Variants in POLA2 observed in about 807,000 individuals in gnomAD.
The protein encoded by POLA2 is DNA polymerase alpha subunit B.
In POLA2, 47 loss-of-function variants were observed where a neutral mutation model predicts 82.8. The observed-to-expected ratio is 0.57, with a 90% CI of 0.45 to 0.72. The LOEUF (loss-of-function observed/expected upper bound fraction) is 0.72. Ranked by LOEUF, POLA2 falls within the 30% of genes least tolerant of loss-of-function variation. The probability of loss-of-function intolerance (pLI) is 0.00; values close to 1 mark genes in which losing one functional copy is unlikely to be tolerated. For synonymous variants in POLA2, 287 were observed against 286.8 expected, an observed-to-expected ratio of 1.00 and a Z score of -0.01; for missense variants, 634 against 728.1, an observed-to-expected ratio of 0.87 and a Z score of 1.49.
rs1949405265 is a variant in POLA2, at chr11:65,262,223, C to A, written c.-70C>A. 3 of 1,239,204 alleles carry A rather than the reference C, an allele frequency of 2.4e-6. No individual in the cohort carries two copies. Among genetic ancestry groups the A allele is most frequent in the Non-Finnish European group, 3.5e-6 (3 of 858,234 alleles). The allele number at this position is 1,239,204 out of a possible 1,614,324, so 76.8% of individuals were successfully genotyped here. On this transcript the variant is annotated 5_prime_UTR_variant, in exon 1 of 18. Coordinates refer to ENST00000265465, the MANE Select transcript of POLA2 (RefSeq NM_002689.4). The stretch of plus-strand genomic sequence containing the variant: ...AGGGCGAGGAGCTCATCGCTCGCCA[C>A]CCCCGTGGGCTTCTTGGGCGCAGGT...
chr11:65,279,513 CT>C (rs35778465), intron 6 of POLA2, 24 bp from the exon 7 acceptor site: 1 of 1,490,774 alleles, frequency 6.7e-7, no homozygotes, highest in Non-Finnish European at 9.3e-7. Flanking sequence ...AAACATAATA[CT>C]TTTTTCCACT....
chr11:65,296,983 T>C (rs1344477262), intron 17 of POLA2, 137 bp from the exon 18 acceptor site: 1 of 756,858 alleles, frequency 1.3e-6, no homozygotes, highest in Admixed American at 2.4e-5. Context: ...TGAAAATGTG[T>C]CTGGTGATTT....
downstream of POLA2, among the ~76,000 whole-genome samples, chr11:65,302,846 G>A (rs114526886): frequency 0.01 from 1,562 of 151,940 alleles, 29 homozygotes; most frequent in African/African-American, 0.036. Context: ...TCTTGCATCC[G>A]CCTCCTGAGT....
chr11:65,262,319 G>A lies in POLA2; in HGVS notation c.27G>A (p.Ala9=), dbSNP rs747948290. The A allele has an allele frequency of 2.5e-6, 4 of 1,613,634 alleles. No homozygotes were observed. In the East Asian group the frequency reaches 8.9e-5, roughly 36 times the overall value. Residue 9 remains alanine (A), a synonymous_variant, in exon 1 of 18, where the codon GCG becomes GCA. Coordinates refer to ENST00000265465, the MANE Select transcript of POLA2 (RefSeq NM_002689.4). The part of the protein sequence containing the change: MSASAQQL[A]EELQIFGLDC... Reference sequence around the variant, plus strand: ...TGTCCGCATCCGCCCAGCAGCTGGCGGAGGAGCTGCAGATCTTCGGCCTAG... The same window carrying A: ...TGTCCGCATCCGCCCAGCAGCTGGCAGAGGAGCTGCAGATCTTCGGCCTAG...
intron 8 of POLA2, among the ~76,000 whole-genome samples, chr11:65,304,213 G>A (rs544535936): frequency 2.1e-5 from 3 of 144,704 alleles, no homozygotes; most frequent in Admixed American, 1.3e-4. Context: ...CCATCCATCC[G>A]TCCATCCATT....
chr11:65,272,097 G>T (rs145443067), intron 4 of POLA2, among the ~76,000 whole-genome samples: 1,873 of 152,194 alleles, frequency 0.012, 49 homozygotes, highest in African/African-American at 0.044. Context: ...ATCACTGGAG[G>T]TCAGGGGTTC....
At chr11:65,291,816 T>C (rs2137579532) in intron 13 of POLA2, among the ~76,000 whole-genome samples, 1 of 152,350 alleles carries the variant, frequency 6.6e-6, no homozygotes, top group Middle Eastern at 3.4e-3. Context: ...ATGGCCAGTG[T>C]GTGCCACAGG....
At chr11:65,278,646 C>T in intron 5 of POLA2, 84 bp from the exon 6 acceptor site, 2 of 1,148,284 alleles carry the variant, frequency 1.7e-6, no homozygotes, top group Non-Finnish European at 2.5e-6. Context: ...TCTCCAGTCC[C>T]CATTTCCAAA....
At chr11:65,290,868 T>C (rs1319922981) in intron 13 of POLA2, among the ~76,000 whole-genome samples, 1 of 152,222 alleles carries the variant, frequency 6.6e-6, no homozygotes, top group Non-Finnish European at 1.5e-5. Context: ...CCCAAGTTCC[T>C]CCCAAGTCAG....
chr11:65,288,878 T>C (rs1949725945), intron 11 of POLA2, among the ~76,000 whole-genome samples, 172 bp from the exon 12 acceptor site: 2 of 152,222 alleles, frequency 1.3e-5, no homozygotes, highest in African/African-American at 2.4e-5. Context: ...GCCTGTGAAA[T>C]TGGCTTGGCG....
Position 65,268,747 on chromosome 11 carries a change from G to C in POLA2, c.354+18G>C. The stretch of plus-strand genomic sequence containing the variant: ...CTTCAAAGGTAAGTAAACAGTGTTT[G>C]GACATTGCATTTTACAAGTAACATT... On this transcript the variant is annotated intron_variant, in intron 4 of 17. Transcript: ENST00000265465. 1 of 1,490,604 alleles carries C rather than the reference G, an allele frequency of 6.7e-7. No homozygotes were observed. Among genetic ancestry groups the C allele is most frequent in the South Asian group, 1.3e-5 (1 of 79,516 alleles). 92.3% of individuals were successfully genotyped at this position (1,490,604 alleles called of 1,614,324 possible).
In POLA2 at chr11:65,266,650, A is replaced by G. The variant is rs1949463753; in HGVS notation, c.148A>G (p.Thr50Ala). The change falls in exon 2 of 18, where the codon ACC (threonine) becomes GCC (alanine). Residue 50 changes from threonine (T) to alanine (A), a missense_variant. By Grantham distance (58) the Thr-to-Ala change is moderately conservative (BLOSUM62 0). Transcript: ENST00000265465. ...GMVGELIAFCTSTHKVGLTSE... is the reference protein window; with the variant it reads ...GMVGELIAFCASTHKVGLTSE... The stretch of plus-strand genomic sequence containing the variant: ...GGTAGGCGAGCTTATAGCCTTCTGC[A>G]CCAGCACACATAAAGTTGGCCTTAC... The G allele has an allele frequency of 6.2e-7, 1 of 1,614,184 alleles. No individual in the cohort carries two copies. The highest frequency in any genetic ancestry group is 8.5e-7 in the Non-Finnish European group (1 of 1,179,986).
In POLA2 at chr11:65,266,624, T is replaced by C; in HGVS notation, c.122T>C (p.Met41Thr). 1 of 1,614,104 alleles carries C rather than the reference T, an allele frequency of 6.2e-7. No homozygotes were observed. The highest frequency in any genetic ancestry group is 1.3e-5 in the African/African-American group (1 of 75,058). Residue 41 changes from methionine to threonine, a missense_variant, in exon 2 of 18, where the codon ATG becomes ACG. Physicochemically the swap from Met to Thr is moderately conservative, Grantham distance 81. Coordinates refer to ENST00000265465, the MANE Select transcript of POLA2 (RefSeq NM_002689.4). ...CAGTATGGACAGAATGAGGAGGGAA[T>C]GGTAGGCGAGCTTATAGCCTTCTGC... The part of the protein sequence containing the change: ...CVQYGQNEEG[M>T]VGELIAFCTS...
chr11:65,291,688 G>A (rs536062984), intron 13 of POLA2, among the ~76,000 whole-genome samples: 4 of 152,298 alleles, frequency 2.6e-5, no homozygotes, highest in South Asian at 2.1e-4. Context: ...GTTTGAGGTC[G>A]GGTTCTGTTT....
downstream of POLA2, among the ~76,000 whole-genome samples, chr11:65,299,918 C>T (rs983576424): frequency 6.6e-6 from 1 of 152,186 alleles, no homozygotes; most frequent in Non-Finnish European, 1.5e-5. Flanking sequence ...TCTCAAACTC[C>T]TGACCTCAAG....
chr11:65,284,439 GC>G (rs1468603075), intron 10 of POLA2, among the ~76,000 whole-genome samples: 14 of 152,100 alleles, frequency 9.2e-5, no homozygotes, highest in African/African-American at 3.1e-4. Flanking sequence ...CCATGATTGT[GC>G]CATTGCACTC....
chr11:65,303,363 C>T (rs916883959), downstream of POLA2, among the ~76,000 whole-genome samples: 7 of 147,966 alleles, frequency 4.7e-5, no homozygotes, highest in East Asian at 2.0e-4. Flanking sequence ...AAAAAAAAAC[C>T]GAAGAAGGTG....
chr11:65,305,459 G>A (rs781502540), exon 9 of POLA2: 4 of 450,948 alleles, frequency 8.9e-6, no homozygotes, highest in Non-Finnish European at 1.8e-5. Flanking sequence ...TTGACTGTGT[G>A]GGGGCCTGGT....
intron 6 of POLA2, 113 bp from the exon 7 acceptor site, chr11:65,279,425 T>G (rs1410497490): frequency 1.4e-6 from 1 of 715,396 alleles, no homozygotes; most frequent in African/African-American, 1.8e-5. Flanking sequence ...CCAGGCACCC[T>G]TCCTGCTTCT....
Sources: gnomAD v4.1 joint callset for allele counts (sites outside exome capture counted in the v4.1 genomes callset) on GRCh38, gnomAD v4.1.1 for gene constraint, MANE v1.5 for transcripts, NCBI Gene and HGNC (gene_info 2026-07-23, HGNC 2026-07-21) for gene names.